CSMD2: variants seen among roughly 807,000 people sequenced by gnomAD.
CSMD2 encodes the protein CUB and Sushi multiple domains 2.
A neutral mutation model predicts 398.5 loss-of-function variants in CSMD2; 130 were observed. The ratio of observed to expected loss-of-function variants is 0.33; its 90% CI spans 0.28 to 0.38. CSMD2 has a LOEUF of 0.38. Ranked by LOEUF, CSMD2 falls within the 10% of genes least tolerant of loss-of-function variation. CSMD2 has a pLI of 1.00. For missense variants in CSMD2, 3,829 were observed against 4,764.9 expected, an observed-to-expected ratio of 0.80 and a Z score of 5.78; for synonymous variants, 1,828 against 1,908.5, an observed-to-expected ratio of 0.96 and a Z score of 1.10.
At chr1:34,048,642 C>T (rs900792963) in intron 2 of CSMD2, among the ~76,000 whole-genome samples, 3 of 152,184 alleles carry the variant, frequency 2.0e-5, no homozygotes, top group Non-Finnish European at 2.9e-5. Flanking sequence ...TTCTCCTTAC[C>T]TGCTCTGTAC....
chr1:33,810,723 C>A lies in CSMD2; in HGVS notation c.1446+20G>T, dbSNP rs376690672. The A allele has an allele frequency of 1.2e-6, 2 of 1,611,636 alleles. No individual in the cohort carries two copies. The highest frequency in any genetic ancestry group is 1.7e-6 in the Non-Finnish European group (2 of 1,179,004). On this transcript the variant is annotated intron_variant, in intron 10 of 70. Transcript: ENST00000373381. The stretch of plus-strand genomic sequence containing the variant: ...CTAGCCCTGCCCACAGAACACCACC[C>A]CGCTCCCCAAGAGGCTTACCTTGGA...
rs115376514 is a variant in CSMD2, at chr1:33,854,650, G to A, written c.921-7654C>T. Reference sequence around the variant, plus strand: ...CCCCAAAGCAGCAACAGTGAGGTCTGCTAATCAATGTGGGCAAATGTTCCC... The same window carrying A: ...CCCCAAAGCAGCAACAGTGAGGTCTACTAATCAATGTGGGCAAATGTTCCC... On this transcript the variant is annotated intron_variant, in intron 5 of 70. Coordinates refer to ENST00000373381, the MANE Select transcript of CSMD2 (RefSeq NM_001281956.2). Among the ~76,000 whole-genome samples, 566 of 152,344 alleles carry A rather than the reference G, an allele frequency of 3.7e-3. 4 individuals are homozygous for A. The highest frequency in any genetic ancestry group is 0.013 in the African/African-American group (528 of 41,590).
At chr1:33,527,535 T>C (rs1268656066) in intron 64 of CSMD2, among the ~76,000 whole-genome samples, 1 of 152,216 alleles carries the variant, frequency 6.6e-6, no homozygotes, top group African/African-American at 2.4e-5. Flanking sequence ...GTGGTATATA[T>C]GATTCTTTAT....
intron 3 of CSMD2, among the ~76,000 whole-genome samples, chr1:33,963,747 G>A (rs927491049): frequency 6.6e-6 from 1 of 152,142 alleles, no homozygotes; most frequent in African/African-American, 2.4e-5. Flanking sequence ...GTTCCTTCTT[G>A]TTTATTGCTG....
chr1:34,113,224 C>T (rs1371355156), intron 1 of CSMD2, among the ~76,000 whole-genome samples: 1 of 152,148 alleles, frequency 6.6e-6, no homozygotes, highest in Non-Finnish European at 1.5e-5. Context: ...TTCTTAGGAT[C>T]AAGAGGTATT....
At chr1:34,154,590 G>T (rs911717634) in intron 1 of CSMD2, among the ~76,000 whole-genome samples, 1 of 152,174 alleles carries the variant, frequency 6.6e-6, no homozygotes, top group African/African-American at 2.4e-5. Context: ...CACTCAATGA[G>T]CATGGTGAGA....
intron 25 of CSMD2, among the ~76,000 whole-genome samples, chr1:33,679,568 G>A (rs1644835230): frequency 6.6e-6 from 1 of 152,138 alleles, no homozygotes; most frequent in Admixed American, 6.5e-5. Context: ...CGTGTAAAAT[G>A]GCTGTAATTT....
intron 49 of CSMD2, among the ~76,000 whole-genome samples, chr1:33,576,289 A>C (rs1287770226): frequency 3.3e-5 from 5 of 152,224 alleles, no homozygotes; most frequent in Non-Finnish European, 7.3e-5. Flanking sequence ...ATGGTGACGA[A>C]GTATAATATT....
intron 15 of CSMD2, among the ~76,000 whole-genome samples, chr1:33,729,067 G>T (rs1375098037): frequency 1.3e-5 from 2 of 152,170 alleles, no homozygotes; most frequent in Admixed American, 6.5e-5. Context: ...CATCTCAGCA[G>T]TGAGGAGGGA....
At chr1:33,714,137 T>C (rs1571315713) in intron 21 of CSMD2, among the ~76,000 whole-genome samples, 1 of 152,128 alleles carries the variant, frequency 6.6e-6, no homozygotes, top group Non-Finnish European at 1.5e-5. Flanking sequence ...AGCACCGCCA[T>C]TGGATTAGTA....
intron 3 of CSMD2, among the ~76,000 whole-genome samples, chr1:33,941,346 T>A (rs1315155344): frequency 6.6e-6 from 1 of 152,216 alleles, no homozygotes; most frequent in Admixed American, 6.5e-5. Flanking sequence ...TGAAGAGTCA[T>A]TTATGCTCTC....
intron 20 of CSMD2, among the ~76,000 whole-genome samples, chr1:33,715,313 C>T (rs570404153): frequency 5.3e-4 from 80 of 152,292 alleles, no homozygotes; most frequent in Non-Finnish European, 1.0e-3. Context: ...AAATGCCTGA[C>T]GAGAAGCCAT....
chr1:33,846,150 T>C (rs1661334767), intron 6 of CSMD2, among the ~76,000 whole-genome samples: 1 of 152,248 alleles, frequency 6.6e-6, no homozygotes, highest in Non-Finnish European at 1.5e-5. Flanking sequence ...TTTTTGGATC[T>C]CTTCCAGTTA....
Position 33,633,378 on chromosome 1 carries a change from C to A in CSMD2, c.5200+44G>T. ...CTCCTTCCTTTAGCCGGACGTGATG[C>A]CCCCGGCCCACAACCATCCCCACAC... On this transcript the variant is annotated intron_variant, in intron 32 of 70. Coordinates refer to ENST00000373381, the MANE Select transcript of CSMD2 (RefSeq NM_001281956.2). This position sits in a 1 kb window ranked among gnomAD's most constrained non-coding sequence, Gnocchi z 5.0. The A allele has an allele frequency of 7.1e-7, 1 of 1,415,212 alleles. No homozygotes were observed. Among genetic ancestry groups the A allele is most frequent in the Admixed American group, 2.0e-5 (1 of 50,720 alleles). The allele number at this position is 1,415,212 out of a possible 1,614,324, so 87.7% of individuals were successfully genotyped here. A position where few individuals can be genotyped will look rare whatever the true frequency, so the allele number is the denominator to read the frequency against.
chr1:33,672,902 C>T (rs2149035253), intron 25 of CSMD2, among the ~76,000 whole-genome samples: 1 of 152,332 alleles, frequency 6.6e-6, no homozygotes, highest in Admixed American at 6.5e-5. Context: ...GCTGAGGGTC[C>T]TGACTGTTAG....
chr1:33,770,474 C>T (rs1465073275), intron 13 of CSMD2, among the ~76,000 whole-genome samples: 3 of 152,204 alleles, frequency 2.0e-5, no homozygotes, highest in Non-Finnish European at 2.9e-5. Context: ...GATGGAAGTC[C>T]CTCACTTTGT....
intron 7 of CSMD2, among the ~76,000 whole-genome samples, chr1:33,824,761 G>A (rs1175725231): frequency 6.6e-6 from 1 of 152,050 alleles, no homozygotes; most frequent in South Asian, 2.1e-4. Flanking sequence ...TGAGAAGAAC[G>A]ATGGAGCAGA....
At chr1:34,048,361 A>G (rs1490305315) in intron 2 of CSMD2, among the ~76,000 whole-genome samples, 1 of 152,198 alleles carries the variant, frequency 6.6e-6, no homozygotes, top group East Asian at 1.9e-4. Context: ...GGTTTGATGG[A>G]ACAGCTGAGA....
chr1:33,672,986 G>C (rs1035215822), intron 25 of CSMD2, among the ~76,000 whole-genome samples: 4 of 152,100 alleles, frequency 2.6e-5, no homozygotes, highest in Admixed American at 2.6e-4. Context: ...AAAGACCAAA[G>C]GTAGATAAAA....
Sources: allele counts gnomAD v4.1 joint callset (sites outside exome capture counted in the v4.1 genomes callset), GRCh38; gene constraint gnomAD v4.1.1; non-coding constraint Gnocchi (gnomAD v3.1); transcripts MANE v1.5; gene names NCBI Gene and HGNC (gene_info 2026-07-23, HGNC 2026-07-21).